The following ROCK1 variants were observed in gnomAD, a reference collection of about 807,000 sequenced individuals.
ROCK1 encodes Rho associated coiled-coil containing protein kinase 1.
In ROCK1, 36 loss-of-function variants were observed where a neutral mutation model predicts 196.8. That is an observed-to-expected ratio of 0.18 (90% CI 0.14 to 0.24). ROCK1 has a LOEUF of 0.24. ROCK1 is among the 10% of genes least tolerant of loss of function. ROCK1 has a pLI of 1.00. For missense variants in ROCK1, 920 were observed against 1,562.0 expected (o/e 0.59, Z 6.93); for synonymous variants, 443 against 515.9 (o/e 0.86, Z 1.91).
In ROCK1 at chr18:21,009,567, C is replaced by A. The variant is rs187971037; in HGVS notation, c.1411-1373G>T. On this transcript the variant is annotated intron_variant, in intron 13 of 32. Coordinates refer to ENST00000399799, the MANE Select transcript of ROCK1 (RefSeq NM_005406.3). ...CATTTTCATTTTTCTGGAATACATG[C>A]CCAAGAATACAATTGCTAGGTCACA... Among the ~76,000 whole-genome samples, 90 of 152,168 alleles carry A rather than the reference C, an allele frequency of 5.9e-4. 1 individual carries two copies. Among genetic ancestry groups the A allele is most frequent in the African/African-American group, 2.1e-3 (88 of 41,514 alleles).
At chr18:21,107,700 C>G (rs1308755164) in intron 1 of ROCK1, among the ~76,000 whole-genome samples, 3 of 152,114 alleles carry the variant, frequency 2.0e-5, no homozygotes, top group Non-Finnish European at 4.4e-5. Flanking sequence ...AAACATCATG[C>G]GAAGAAAATT....
At chr18:21,067,383 CTTTTTT>C (rs373333472) in intron 2 of ROCK1, among the ~76,000 whole-genome samples, 1 of 125,320 alleles carries the variant, frequency 8.0e-6, no homozygotes, top group Admixed American at 8.2e-5. Flanking sequence ...TCTTTTCACT[CTTTTTT>C]TTTTTTTTTT....
chr18:21,028,319 G>A (rs1468701344), intron 10 of ROCK1, among the ~76,000 whole-genome samples: 3 of 151,788 alleles, frequency 2.0e-5, no homozygotes, highest in Non-Finnish European at 2.9e-5. Flanking sequence ...GGGAGGCTGA[G>A]GCAGGAGAAC....
intron 2 of ROCK1, among the ~76,000 whole-genome samples, chr18:21,055,325 T>C (rs1012052751): frequency 4.6e-5 from 7 of 151,946 alleles, no homozygotes; most frequent in African/African-American, 1.7e-4. Flanking sequence ...ACTCTCCCAC[T>C]CTCCTAGAGA....
chr18:21,023,344 A>G (rs1237065171), intron 11 of ROCK1, among the ~76,000 whole-genome samples: 1 of 152,184 alleles, frequency 6.6e-6, no homozygotes, highest in Non-Finnish European at 1.5e-5. Context: ...ATACATTGAT[A>G]TATCATAGTT....
chr18:21,027,906 C>T (rs1209816485), intron 10 of ROCK1, among the ~76,000 whole-genome samples: 1 of 145,774 alleles, frequency 6.9e-6, no homozygotes, highest in Non-Finnish European at 1.5e-5. Flanking sequence ...GGACTACAGG[C>T]GCCCGCTACC....
intron 27 of ROCK1, among the ~76,000 whole-genome samples, chr18:20,962,817 A>G (rs971001913): frequency 6.6e-6 from 1 of 152,166 alleles, no homozygotes; most frequent in African/African-American, 2.4e-5. Context: ...TAGTTTTTCC[A>G]TCTGGTGAAT....
chr18:21,087,347 A>T (rs1366202331), intron 1 of ROCK1, among the ~76,000 whole-genome samples: 1 of 152,220 alleles, frequency 6.6e-6, no homozygotes, highest in African/African-American at 2.4e-5. Context: ...TATATGAAAT[A>T]TAAATGGTCT....
intron 1 of ROCK1, among the ~76,000 whole-genome samples, chr18:21,103,096 A>G (rs771581627): frequency 7.9e-5 from 12 of 152,132 alleles, no homozygotes; most frequent in East Asian, 1.9e-4. Flanking sequence ...AATACACTCT[A>G]TATTTCATAA....
intron 22 of ROCK1, among the ~76,000 whole-genome samples, chr18:20,975,682 C>T (rs1243334587): frequency 2.0e-5 from 3 of 152,148 alleles, no homozygotes; most frequent in Non-Finnish European, 4.4e-5. Context: ...ACCATCTAGG[C>T]TCACTGCAAG....
At chr18:20,956,815 T>G (rs1286937188) in intron 29 of ROCK1, among the ~76,000 whole-genome samples, 1 of 152,110 alleles carries the variant, frequency 6.6e-6, no homozygotes, top group Non-Finnish European at 1.5e-5. Flanking sequence ...TATCTAGAAC[T>G]CTTAAAAACC....
chr18:21,101,680 AAG>A (rs1239743250), intron 1 of ROCK1, among the ~76,000 whole-genome samples: 1 of 152,172 alleles, frequency 6.6e-6, no homozygotes, highest in Admixed American at 6.5e-5. Flanking sequence ...AGAGACTTAA[AAG>A]ACTCTTAAAG....
intron 17 of ROCK1, among the ~76,000 whole-genome samples, chr18:20,992,292 TTTGAAAAAG>T (rs2035633185): frequency 6.6e-6 from 1 of 152,222 alleles, no homozygotes; most frequent in Non-Finnish European, 1.5e-5. Context: ...TTTCAGAGGC[TTTGAAAAAG>T]TGACAGCTGT....
intron 21 of ROCK1, among the ~76,000 whole-genome samples, chr18:20,981,231 A>T (rs1270682970): frequency 1.3e-5 from 2 of 151,974 alleles, no homozygotes; most frequent in African/African-American, 4.8e-5. Context: ...CGTCTCTACT[A>T]AAAGTACAAA....
chr18:20,979,941 A>C lies in ROCK1; in HGVS notation c.2623T>G (p.Leu875Val). The C allele has an allele frequency of 6.5e-7, 1 of 1,545,380 alleles. No individual in the cohort carries two copies. Among genetic ancestry groups the C allele is most frequent in the Non-Finnish European group, 8.7e-7 (1 of 1,143,574 alleles). The change falls in exon 22 of 33, where the codon TTA becomes GTA. Residue 875 changes from leucine (L) to valine (V), a missense_variant. By Grantham distance (32) the Leu-to-Val change is conservative. Around this residue, in one of 6 missense-constraint regions of ROCK1, gnomAD observed 520 missense variants for 657.1 expected, o/e 0.79. Transcript: ENST00000399799. ...EEIEEKNRENLKKIQELQNEK... is the reference protein window; with the variant it reads ...EEIEEKNRENVKKIQELQNEK... ...TTTTGTAGTTCCTGTATTTTCTTTA[A>C]ATTTTCTCTGTTTTTTTCTTCAATT...
chr18:20,958,825 AT>A (rs1241269860), intron 29 of ROCK1, among the ~76,000 whole-genome samples: 3 of 140,806 alleles, frequency 2.1e-5, no homozygotes, highest in East Asian at 1.9e-4. Flanking sequence ...GTTATACTGT[AT>A]TTTTTAAAGA....
At chr18:21,070,493 T>C (rs746364005) in intron 2 of ROCK1, 39 bp downstream of exon 2, 8 of 1,085,658 alleles carry the variant, frequency 7.4e-6, no homozygotes, top group Admixed American at 2.0e-5. Context: ...AATGTAGTTA[T>C]ATGAAGTCTG....
At chr18:21,070,505 C>T in intron 2 of ROCK1, 27 bp downstream of exon 2, 1 of 1,270,364 alleles carries the variant, frequency 7.9e-7, no homozygotes, top group South Asian at 1.3e-5. Context: ...TGAAGTCTGT[C>T]ATTAACCTCC....
intron 27 of ROCK1, among the ~76,000 whole-genome samples, chr18:20,963,301 T>A (rs1347339039): frequency 2.0e-5 from 3 of 152,136 alleles, no homozygotes; most frequent in Non-Finnish European, 2.9e-5. Context: ...AATTCAAACA[T>A]CAGAGCTAAC....
Sources: gnomAD v4.1 joint callset for allele counts (sites outside exome capture counted in the v4.1 genomes callset) on GRCh38, gnomAD v4.1.1 for gene constraint, gnomAD v4.1.1 regional missense constraint, MANE v1.5 for transcripts, NCBI Gene and HGNC (gene_info 2026-07-23, HGNC 2026-07-21) for gene names.